PRSS55: variants seen among roughly 807,000 people sequenced by gnomAD.
The protein encoded by PRSS55 is probable serine protease UNQ9391/PRO34284.
A neutral mutation model predicts 23.6 loss-of-function variants in PRSS55; 41 were observed. That is an observed-to-expected ratio of 1.74 (90% CI 1.35 to 2.26). The LOEUF is 2.26. Ranked by LOEUF, PRSS55 falls within the 30% of genes most tolerant of loss-of-function variation. The pLI, the probability that PRSS55 is intolerant of heterozygous loss-of-function variation, is 0.00. For synonymous variants in PRSS55, 262 were observed against 175.5 expected, an observed-to-expected ratio of 1.49 and a Z score of -3.90; for missense variants, 669 against 439.1, an observed-to-expected ratio of 1.52 and a Z score of -4.68.
At chr8:10,534,258 C>G (rs578099176) in intron 4 of PRSS55, among the ~76,000 whole-genome samples, 18 of 152,122 alleles carry the variant, frequency 1.2e-4, no homozygotes, top group Admixed American at 2.6e-4. Context: ...AAAATAAAAA[C>G]AAAAAGGCTC....
intron 4 of PRSS55, among the ~76,000 whole-genome samples, chr8:10,552,083 T>C (rs1459983143): frequency 1.3e-5 from 2 of 152,296 alleles, no homozygotes; most frequent in East Asian, 3.9e-4. Flanking sequence ...ATGTGCTCTG[T>C]GCAAAGGGAA....
At position 10,529,333 on chromosome 8, in the gene PRSS55, T is replaced by A. The variant is rs1812157385; in HGVS notation, c.155-174T>A. The A allele has an allele frequency of 1.1e-5, 7 of 659,700 alleles. No homozygotes were observed. The South Asian group carries it at 1.2e-4, about 12-fold the overall frequency. 40.9% of individuals were successfully genotyped at this position (659,700 alleles called of 1,614,324 possible). A position where few individuals can be genotyped will look rare whatever the true frequency, so the allele number is the denominator to read the frequency against. ...CTCTGTGTAGACAAAATAAACCATC[T>A]GCCGGCTGATGTCACAAGGGCTGCC... is the stretch of plus-strand genomic sequence containing the variant. On this transcript the variant is annotated intron_variant, in intron 1 of 4. Coordinates refer to ENST00000328655, the MANE Select transcript of PRSS55 (RefSeq NM_198464.4).
At chr8:10,528,202 A>C (rs1167710306) in intron 1 of PRSS55, among the ~76,000 whole-genome samples, 2 of 134,072 alleles carry the variant, frequency 1.5e-5, no homozygotes, top group Non-Finnish European at 3.3e-5. Flanking sequence ...TCGTCTCTCA[A>C]AAAAAAAAAA....
In PRSS55 at chr8:10,531,307, G is replaced by A. The variant is rs1812249476; in HGVS notation, c.360G>A (p.Leu120=). The change falls in exon 3 of 5, where the codon CTG becomes CTA. Residue 120 remains leucine (L), a synonymous_variant. Transcript: ENST00000328655. ...TCTCTGCCACCAGTCCAGAAGAACTGAGTGTCGTGCTGGGGACCAACGACT... is the reference window on the plus strand; with the variant it reads ...TCTCTGCCACCAGTCCAGAAGAACTAAGTGTCGTGCTGGGGACCAACGACT... ...LYSEELFPEE[L]SVVLGTNDLT... is the part of the protein sequence containing the mutation. 1.9e-6 allele frequency: 3 copies of A among 1,613,938 alleles called. No homozygotes were observed. Among genetic ancestry groups the A allele is most frequent in the South Asian group, 2.2e-5 (2 of 91,066 alleles).
chr8:10,538,529 C>A lies in PRSS55; in HGVS notation c.795C>A (p.Tyr265Ter), dbSNP rs771345596. Residue 265 changes from tyrosine (Y) to a stop codon, truncating the protein, a stop_gained, in exon 5 of 5, where the codon TAC becomes TAA. Coordinates refer to ENST00000328655, the MANE Select transcript of PRSS55 (RefSeq NM_198464.4). LOFTEE classifies it low-confidence loss of function (END_TRUNC). ...CCCCAGAGCCTGGTGAGAAGTGGTA[C>A]CAGGTGGGCATCATAAGCTGGGGAA... is the stretch of plus-strand genomic sequence containing the variant. Reference protein sequence around the residue: ...VCTPEPGEKWYQVGIISWGKS... With the variant: ...VCTPEPGEKW 6.2e-7 allele frequency: 1 copy of A among 1,614,094 alleles called. No individual in the cohort carries two copies. The highest frequency in any genetic ancestry group is 1.1e-5 in the South Asian group (1 of 91,080).
rs370892886 is a variant in PRSS55 at position 10,538,805 on chromosome 8, A to C, written c.*12A>C. On this transcript the variant is annotated 3_prime_UTR_variant, in exon 5 of 5. Transcript: ENST00000328655. Reference sequence around the variant, plus strand: ...CTATTTTGTACTGATAATAAAATAGAGGCTATTCTTTCAACCGAGGGAGGG... The same window carrying C: ...CTATTTTGTACTGATAATAAAATAGCGGCTATTCTTTCAACCGAGGGAGGG... The C allele has an allele frequency of 1.4e-4, 218 of 1,535,700 alleles. 1 individual carries two copies. The Middle Eastern group carries it at 3.7e-3, about 26-fold the overall frequency.
intron 4 of PRSS55, among the ~76,000 whole-genome samples, chr8:10,551,296 C>T (rs1471981631): frequency 6.6e-6 from 1 of 151,408 alleles, no homozygotes; most frequent in East Asian, 2.0e-4. Context: ...GGCAGAAACA[C>T]CCTTGGCTTT....
At chr8:10,541,918 C>A (rs4507727), downstream of PRSS55, among the ~76,000 whole-genome samples, 1,459 of 152,148 alleles carry the variant, frequency 9.6e-3, 27 homozygotes, top group African/African-American at 0.033. Flanking sequence ...GGACTACAGG[C>A]GCACATCACC....
chr8:10,549,932 T>C (rs143265670), intron 4 of PRSS55, among the ~76,000 whole-genome samples: 212 of 152,310 alleles, frequency 1.4e-3, no homozygotes, highest in African/African-American at 4.6e-3. Context: ...CTTTTATTTT[T>C]AATTTTTGAG....
intron 4 of PRSS55, among the ~76,000 whole-genome samples, chr8:10,533,332 C>G (rs922557815): frequency 6.6e-6 from 1 of 152,100 alleles, no homozygotes; most frequent in African/African-American, 2.4e-5. Flanking sequence ...TCTGGGAATT[C>G]TTTTTAAAAA....
intron 4 of PRSS55, among the ~76,000 whole-genome samples, chr8:10,550,280 C>A (rs1386661717): frequency 6.6e-6 from 1 of 152,138 alleles, no homozygotes; most frequent in Non-Finnish European, 1.5e-5. Flanking sequence ...CCTAGGGAGC[C>A]CCATAACACA....
At chr8:10,532,203 C>A (rs1298135402) in intron 3 of PRSS55, among the ~76,000 whole-genome samples, 1 of 152,124 alleles carries the variant, frequency 6.6e-6, no homozygotes, top group Non-Finnish European at 1.5e-5. Context: ...GTGGGTGTTT[C>A]AGGAGTTTAG....
chr8:10,546,524 C>A (rs993501380), intron 4 of PRSS55, among the ~76,000 whole-genome samples: 1 of 152,168 alleles, frequency 6.6e-6, no homozygotes, highest in Admixed American at 6.5e-5. Flanking sequence ...ACTGACCACA[C>A]ACCCTGTCAA....
At chr8:10,552,171 C>T (rs1032215159) in intron 4 of PRSS55, among the ~76,000 whole-genome samples, 6 of 152,194 alleles carry the variant, frequency 3.9e-5, no homozygotes, top group Non-Finnish European at 8.8e-5. Flanking sequence ...TTAGAACAAA[C>T]GCTGGGATCC....
At chr8:10,544,275 T>C (rs35427890) in intron 4 of PRSS55, among the ~76,000 whole-genome samples, 86,697 of 152,018 alleles carry the variant, frequency 0.57, 25,691 homozygotes, top group South Asian at 0.74. Context: ...ATAAAATGTC[T>C]CCCTTTATCT....
exon 5 of PRSS55, chr8:10,553,958 A>G: frequency 6.6e-7 from 1 of 1,524,052 alleles, no homozygotes; most frequent in Non-Finnish European, 8.8e-7. Context: ...CTATTTTCCC[A>G]CTTTACAAAG....
downstream of PRSS55, among the ~76,000 whole-genome samples, chr8:10,539,575 G>C (rs1247703055): frequency 6.6e-6 from 1 of 152,168 alleles, no homozygotes; most frequent in South Asian, 2.1e-4. Flanking sequence ...TAATTCCCAC[G>C]TGTTGTGGGA....
chr8:10,550,822 G>C (rs1812936008), intron 4 of PRSS55, among the ~76,000 whole-genome samples: 1 of 152,232 alleles, frequency 6.6e-6, no homozygotes, highest in South Asian at 2.1e-4. Flanking sequence ...GTGCATGCGT[G>C]TGTGTGCACG....
chr8:10,538,451 G>A (rs769340092), intron 4 of PRSS55, 25 bp from the exon 5 acceptor site: 2 of 1,573,754 alleles, frequency 1.3e-6, no homozygotes, highest in Non-Finnish European at 1.7e-6. Context: ...CGGACTCCCT[G>A]CTGAGCTGTG....
Sources: allele counts gnomAD v4.1 joint callset (sites outside exome capture counted in the v4.1 genomes callset), GRCh38; gene constraint gnomAD v4.1.1; transcripts MANE v1.5; gene names NCBI Gene and HGNC (gene_info 2026-07-23, HGNC 2026-07-21).